SGCZ: variants seen among roughly 807,000 people sequenced by gnomAD.
The protein encoded by SGCZ is zeta-sarcoglycan.
A neutral mutation model predicts 41.3 loss-of-function variants in SGCZ; 40 were observed. The ratio of observed to expected loss-of-function variants is 0.97; its 90% CI spans 0.75 to 1.26. The LOEUF is 1.26. SGCZ is among the 50% of genes most tolerant of loss of function. SGCZ has a pLI of 0.00. For missense variants in SGCZ, 552 were observed against 369.8 expected, an observed-to-expected ratio of 1.49 and a Z score of -4.04; for synonymous variants, 206 against 137.5, an observed-to-expected ratio of 1.50 and a Z score of -3.49.
chr8:14,199,624 C>T (rs574501594), intron 4 of SGCZ, among the ~76,000 whole-genome samples: 7 of 152,094 alleles, frequency 4.6e-5, no homozygotes, highest in Non-Finnish European at 7.4e-5. Context: ...GTGATGTCTC[C>T]CCCGGACACG....
At chr8:14,901,641 T>C (rs1297838597) in intron 1 of SGCZ, among the ~76,000 whole-genome samples, 2 of 152,146 alleles carry the variant, frequency 1.3e-5, no homozygotes, top group Non-Finnish European at 2.9e-5. Context: ...CTATGTAAAA[T>C]ATCCTTTGTA....
chr8:14,797,904 G>C (rs535111737), intron 1 of SGCZ, among the ~76,000 whole-genome samples: 3 of 152,232 alleles, frequency 2.0e-5, no homozygotes, highest in Non-Finnish European at 2.9e-5. Flanking sequence ...TTTACACGTG[G>C]TGTTGAGACT....
chr8:15,216,213 CT>C (rs1178498549), intron 1 of SGCZ, among the ~76,000 whole-genome samples: 1 of 68,488 alleles, frequency 1.5e-5, no homozygotes. Context: ...TTAGCTTATT[CT>C]TTTTTTTTCT....
chr8:14,631,057 A>G lies in SGCZ; in HGVS notation c.40-76131T>C, dbSNP rs550262731. Among the ~76,000 whole-genome samples the G allele has an allele frequency of 3.3e-5, 5 of 152,186 alleles. No homozygotes were observed. In the East Asian group the frequency reaches 9.7e-4, roughly 29 times the overall value. On this transcript the variant is annotated intron_variant, in intron 1 of 7. Transcript: ENST00000382080. ...AATAAAAATAAATTTATATGTAATA[A>G]AAAAGAAAGGTGATTTCCATGCCCC...
At chr8:14,334,192 C>A (rs1410035058) in intron 2 of SGCZ, among the ~76,000 whole-genome samples, 1 of 152,014 alleles carries the variant, frequency 6.6e-6, no homozygotes, top group Non-Finnish European at 1.5e-5. Context: ...CCAAAGCACT[C>A]CTTAGGGTAA....
chr8:14,590,424 T>A (rs568334205), intron 1 of SGCZ, among the ~76,000 whole-genome samples: 14 of 151,948 alleles, frequency 9.2e-5, no homozygotes, highest in Admixed American at 4.6e-4. Flanking sequence ...TGTCTGTGTT[T>A]CATTATATGT....
intron 5 of SGCZ, among the ~76,000 whole-genome samples, chr8:14,144,447 C>T (rs150181476): frequency 1.3e-5 from 2 of 152,036 alleles, no homozygotes; most frequent in African/African-American, 4.8e-5. Flanking sequence ...ACTGAAGAGC[C>T]CTTGGGCCCT....
intron 1 of SGCZ, among the ~76,000 whole-genome samples, chr8:14,714,555 C>G (rs533396862): frequency 6.6e-6 from 1 of 152,240 alleles, no homozygotes; most frequent in African/African-American, 2.4e-5. Context: ...TATTAAACCA[C>G]TCAATTTGTC....
At chr8:14,264,339 T>C (rs1167899063) in intron 3 of SGCZ, among the ~76,000 whole-genome samples, 1 of 152,136 alleles carries the variant, frequency 6.6e-6, no homozygotes, top group Non-Finnish European at 1.5e-5. Flanking sequence ...TCCTTCACAA[T>C]GAGACAGAGT....
intron 1 of SGCZ, among the ~76,000 whole-genome samples, chr8:15,177,993 A>T (rs115954699): frequency 6.6e-6 from 1 of 151,982 alleles, no homozygotes; most frequent in Non-Finnish European, 1.5e-5. Context: ...ACCACTCACC[A>T]CTTCCTATGA....
At chr8:14,609,563 A>G (rs747124041) in intron 1 of SGCZ, among the ~76,000 whole-genome samples, 1 of 152,330 alleles carries the variant, frequency 6.6e-6, no homozygotes, top group Middle Eastern at 3.4e-3. Context: ...TCAACACTAT[A>G]TGAGGTTCAG....
intron 1 of SGCZ, among the ~76,000 whole-genome samples, chr8:15,183,344 G>T (rs1800233885): frequency 6.6e-6 from 1 of 151,406 alleles, no homozygotes. Flanking sequence ...AAACACATGA[G>T]AAATGTATTG....
chr8:14,817,998 A>C (rs1801958776), intron 1 of SGCZ, among the ~76,000 whole-genome samples: 1 of 152,110 alleles, frequency 6.6e-6, no homozygotes, highest in African/African-American at 2.4e-5. Context: ...AGGTACATTT[A>C]CTTATCCCAA....
chr8:15,038,004 T>G (rs984608695), intron 1 of SGCZ, among the ~76,000 whole-genome samples: 3 of 152,032 alleles, frequency 2.0e-5, no homozygotes, highest in Non-Finnish European at 2.9e-5. Context: ...ATGAAATAAT[T>G]AATATGGTTA....
Position 14,916,917 on chromosome 8 carries a change from T to C in SGCZ, c.39+320668A>G, listed in dbSNP as rs540110120. On this transcript the variant is annotated intron_variant, in intron 1 of 7. Coordinates refer to ENST00000382080, the MANE Select transcript of SGCZ (RefSeq NM_139167.4). The stretch of plus-strand genomic sequence containing the variant: ...AATTTTTTTTGTATTTACTGCTAGG[T>C]TGATATTGTTACTCAGCGTCAGAGA... Among the ~76,000 whole-genome samples, 10 of 152,276 alleles carry C rather than the reference T, an allele frequency of 6.6e-5. No individual in the cohort carries two copies. The South Asian group carries it at 1.9e-3, about 28-fold the overall frequency.
Position 14,285,587 on chromosome 8 carries a change from A to G in SGCZ, c.336+38516T>C, listed in dbSNP as rs1315611416. Among the ~76,000 whole-genome samples, 4 of 9,396 alleles carry G rather than the reference A, an allele frequency of 4.3e-4. No homozygotes were observed. The Non-Finnish European group carries it at 7.5e-3, about 18-fold the overall frequency. 6.2% of individuals were successfully genotyped at this position (9,396 alleles called of 152,430 possible). ...TAAAGTGTTGATTTTTATGTGTTAAAAATAAAACAAATGATTCTTGCCATT... is the reference window on the plus strand; with the variant it reads ...TAAAGTGTTGATTTTTATGTGTTAAGAATAAAACAAATGATTCTTGCCATT... On this transcript the variant is annotated intron_variant, in intron 3 of 7. Coordinates refer to ENST00000382080, the MANE Select transcript of SGCZ (RefSeq NM_139167.4).
At chr8:14,839,190 A>G (rs1475527042) in intron 1 of SGCZ, among the ~76,000 whole-genome samples, 1 of 152,150 alleles carries the variant, frequency 6.6e-6, no homozygotes, top group Non-Finnish European at 1.5e-5. Flanking sequence ...GCGGGGTGAT[A>G]TATTTTGAAA....
At chr8:15,125,755 C>T (rs1254096699) in intron 1 of SGCZ, among the ~76,000 whole-genome samples, 1 of 152,240 alleles carries the variant, frequency 6.6e-6, no homozygotes, top group South Asian at 2.1e-4. Flanking sequence ...AGTATGTATA[C>T]CATAATCTGA....
chr8:14,383,792 T>C (rs1051521474), intron 2 of SGCZ, among the ~76,000 whole-genome samples: 1 of 152,076 alleles, frequency 6.6e-6, no homozygotes, highest in Non-Finnish European at 1.5e-5. Flanking sequence ...GACTGTACAG[T>C]TGAATGTAGG....
Sources: gnomAD v4.1 joint callset for allele counts (sites outside exome capture counted in the v4.1 genomes callset) on GRCh38, gnomAD v4.1.1 for gene constraint, MANE v1.5 for transcripts, NCBI Gene and HGNC (gene_info 2026-07-23, HGNC 2026-07-21) for gene names.